The following SERGEF variants were observed in gnomAD, a reference collection of about 807,000 sequenced individuals.
SERGEF encodes the protein secretion regulating guanine nucleotide exchange factor.
A neutral mutation model predicts 50.0 loss-of-function variants in SERGEF; 51 were observed. The ratio of observed to expected loss-of-function variants is 1.02; its 90% CI spans 0.81 to 1.29. The LOEUF is 1.29. Ranked by LOEUF, SERGEF falls within the 50% of genes most tolerant of loss-of-function variation. The pLI is 0.00. For synonymous variants in SERGEF, 205 were observed against 212.4 expected (o/e 0.97, Z 0.30); for missense variants, 521 against 557.0 (o/e 0.94, Z 0.65).
intron 10 of SERGEF, among the ~76,000 whole-genome samples, chr11:17,805,957 C>T (rs1245256573): frequency 6.6e-6 from 1 of 152,212 alleles, no homozygotes; most frequent in Non-Finnish European, 1.5e-5. Context: ...GGGAGGAATC[C>T]ATCCCATTTG....
intron 7 of SERGEF, among the ~76,000 whole-genome samples, 171 bp from the exon 8 acceptor site, chr11:17,988,926 T>C (rs1277397026): frequency 6.6e-6 from 1 of 152,174 alleles, no homozygotes; most frequent in Admixed American, 6.5e-5. Flanking sequence ...TAATAACTTA[T>C]TACAAGATTT....
intron 10 of SERGEF, among the ~76,000 whole-genome samples, chr11:17,804,599 TC>T (rs1271599467): frequency 6.6e-6 from 1 of 152,390 alleles, no homozygotes; most frequent in East Asian, 1.9e-4. Flanking sequence ...CTCAGATTTC[TC>T]CTTTGTAAAA....
intron 8 of SERGEF, among the ~76,000 whole-genome samples, chr11:17,982,895 G>A (rs771421904): frequency 1.2e-4 from 18 of 152,184 alleles, no homozygotes; most frequent in Non-Finnish European, 2.4e-4. Context: ...CGATGGAAGG[G>A]AGAAAATTTC....
At chr11:18,010,303 A>G in intron 1 of SERGEF, 1 of 264,224 alleles carries the variant, frequency 3.8e-6, no homozygotes, top group Admixed American at 4.4e-5. Flanking sequence ...TAAGTCCCAG[A>G]AGCCCACAGG....
intron 9 of SERGEF, among the ~76,000 whole-genome samples, chr11:17,931,753 T>C (rs1161354071): frequency 3.9e-5 from 6 of 152,180 alleles, no homozygotes; most frequent in East Asian, 3.8e-4. Context: ...TCTCAAAGCA[T>C]AGTCCCAGAC....
chr11:17,798,723 T>C (rs1389475145), intron 10 of SERGEF, among the ~76,000 whole-genome samples: 1 of 152,270 alleles, frequency 6.6e-6, no homozygotes, highest in Non-Finnish European at 1.5e-5. Context: ...TCTGGGCTTA[T>C]TGGCTGCCTT....
intron 9 of SERGEF, among the ~76,000 whole-genome samples, chr11:17,909,767 G>C (rs1851914060): frequency 6.6e-6 from 1 of 152,130 alleles, no homozygotes; most frequent in African/African-American, 2.4e-5. Flanking sequence ...TAGAAACCAG[G>C]TCCTCCAATC....
intron 10 of SERGEF, among the ~76,000 whole-genome samples, chr11:17,814,514 T>C (rs1039479456): frequency 2.0e-5 from 3 of 152,222 alleles, no homozygotes; most frequent in South Asian, 4.1e-4. Flanking sequence ...GAGGTAGAGG[T>C]AGAGATTTAA....
chr11:17,936,548 GA>G (rs1565209494), intron 9 of SERGEF, among the ~76,000 whole-genome samples: 1 of 152,108 alleles, frequency 6.6e-6, no homozygotes, highest in African/African-American at 2.4e-5. Context: ...AACAGAACAG[GA>G]TTTTTTTTTC....
chr11:17,788,324 C>G lies in SERGEF; in HGVS notation c.1138G>C (p.Ala380Pro), dbSNP rs755976258. ...ANVWAPKPVQ[A>P]LLSSSGLLVG... Reference sequence around the variant, plus strand: ...AGGAGTCCTGACGATGACAGCAGAGCCTGCACCGGCTTTGGGGCCCAGACG... The same window carrying G: ...AGGAGTCCTGACGATGACAGCAGAGGCTGCACCGGCTTTGGGGCCCAGACG... The change falls in exon 11 of 11, where the codon GCT (alanine) becomes CCT (proline). Residue 380 changes from alanine to proline, a missense_variant. Ala to Pro is a conservative substitution (Grantham distance 27). Transcript: ENST00000265965. 5 of 1,614,066 alleles carry G rather than the reference C, an allele frequency of 3.1e-6. No homozygotes were observed. Among genetic ancestry groups the G allele is most frequent in the Non-Finnish European group, 4.2e-6 (5 of 1,180,032 alleles).
Position 17,913,973 on chromosome 11 carries a change from A to G in SERGEF, c.1012-35729T>C, listed in dbSNP as rs117999584. Among the ~76,000 whole-genome samples, 948 of 152,340 alleles carry G rather than the reference A, an allele frequency of 6.2e-3. 6 individuals are homozygous for G. Among genetic ancestry groups the G allele is most frequent in the Non-Finnish European group, 8.8e-3 (600 of 68,022 alleles). On this transcript the variant is annotated intron_variant, in intron 9 of 10. Coordinates refer to ENST00000265965, the MANE Select transcript of SERGEF (RefSeq NM_012139.4). ...ATCATTTGATTAATAACCATTCACA[A>G]TTCTCACTGACTACATGACTGAATG...
chr11:17,814,965 G>C (rs914598239), intron 10 of SERGEF, among the ~76,000 whole-genome samples: 2 of 152,132 alleles, frequency 1.3e-5, no homozygotes, highest in African/African-American at 2.4e-5. Flanking sequence ...AGGATCGCTT[G>C]AGCCCAGGAG....
chr11:17,839,543 A>T (rs1289950492), intron 10 of SERGEF, among the ~76,000 whole-genome samples: 2 of 152,124 alleles, frequency 1.3e-5, no homozygotes, highest in Non-Finnish European at 2.9e-5. Flanking sequence ...CTGTTTGCTG[A>T]GCTGGTGTCA....
intron 8 of SERGEF, among the ~76,000 whole-genome samples, chr11:17,982,380 A>T (rs751726361): frequency 2.0e-5 from 3 of 152,212 alleles, no homozygotes; most frequent in Non-Finnish European, 4.4e-5. Context: ...CTGACATTCT[A>T]AGGATTCTAG....
chr11:17,926,725 AC>A (rs1391689579), intron 9 of SERGEF: 2 of 456,014 alleles, frequency 4.4e-6, no homozygotes, highest in South Asian at 3.1e-5. Flanking sequence ...TTTCACCAAG[AC>A]CAGAGTCCTA....
At chr11:17,957,293 G>A (rs921780742) in intron 9 of SERGEF, among the ~76,000 whole-genome samples, 2 of 152,226 alleles carry the variant, frequency 1.3e-5, no homozygotes, top group African/African-American at 2.4e-5. Flanking sequence ...ACGGTAAGAA[G>A]AGAATGGAAT....
chr11:18,011,055 A>G (rs1854184315), intron 1 of SERGEF, among the ~76,000 whole-genome samples: 1 of 152,124 alleles, frequency 6.6e-6, no homozygotes, highest in African/African-American at 2.4e-5. Flanking sequence ...ACGAAGGGAA[A>G]TTTAACACAA....
intron 10 of SERGEF, among the ~76,000 whole-genome samples, chr11:17,802,981 G>A (rs187597510): frequency 6.6e-6 from 1 of 152,242 alleles, no homozygotes; most frequent in Non-Finnish European, 1.5e-5. Flanking sequence ...GAAAAGGTAT[G>A]AGTATATAAA....
intron 8 of SERGEF, among the ~76,000 whole-genome samples, chr11:17,962,704 G>A (rs1223615334): frequency 6.6e-6 from 1 of 152,124 alleles, no homozygotes; most frequent in East Asian, 1.9e-4. Context: ...ACGTACCACA[G>A]AAAACGACAG....
Sources: allele counts gnomAD v4.1 joint callset (sites outside exome capture counted in the v4.1 genomes callset), GRCh38; gene constraint gnomAD v4.1.1; transcripts MANE v1.5; gene names NCBI Gene and HGNC (gene_info 2026-07-23, HGNC 2026-07-21).